ROBO1: variants seen among roughly 807,000 people sequenced by gnomAD.
ROBO1 encodes roundabout homolog 1.
ROBO1 carries 149 observed loss-of-function variants against 195.9 expected under a neutral mutation model. That is an observed-to-expected ratio of 0.76 (90% CI 0.67 to 0.87). The LOEUF is 0.87. Ranked by LOEUF, ROBO1 falls within the 40% of genes least tolerant of loss-of-function variation. The pLI is 0.00. For missense variants in ROBO1, 1,933 were observed against 2,068.3 expected (o/e 0.93, Z 1.27); for synonymous variants, 816 against 733.2 (o/e 1.11, Z -1.82).
chr3:78,926,428 G>A (rs939236397), intron 4 of ROBO1, among the ~76,000 whole-genome samples: 1 of 152,138 alleles, frequency 6.6e-6, no homozygotes, highest in African/African-American at 2.4e-5. Flanking sequence ...AGCTGTTCAG[G>A]AGAAAACATC....
chr3:79,498,453 T>C (rs1243301183), intron 2 of ROBO1, among the ~76,000 whole-genome samples: 2 of 152,224 alleles, frequency 1.3e-5, no homozygotes, highest in African/African-American at 4.8e-5. Flanking sequence ...AATACCTAAT[T>C]TAAGCATATA....
intron 2 of ROBO1, among the ~76,000 whole-genome samples, chr3:79,201,289 G>T (rs542391830): frequency 2.0e-4 from 31 of 151,942 alleles, no homozygotes; most frequent in African/African-American, 7.0e-4. Context: ...AGATAGTCCT[G>T]GTCTTATCAT....
At chr3:79,439,389 T>C (rs996667985) in intron 2 of ROBO1, among the ~76,000 whole-genome samples, 1 of 152,068 alleles carries the variant, frequency 6.6e-6, no homozygotes, top group Non-Finnish European at 1.5e-5. Context: ...AAATTTACAT[T>C]TCCCCAACCA....
At chr3:78,671,000 C>T (rs1247212549) in intron 10 of ROBO1, among the ~76,000 whole-genome samples, 1 of 152,124 alleles carries the variant, frequency 6.6e-6, no homozygotes, top group African/African-American at 2.4e-5. Flanking sequence ...TCTAACTTGG[C>T]AAACACCATA....
chr3:78,753,466 C>T (rs142121732), intron 4 of ROBO1, among the ~76,000 whole-genome samples: 1 of 152,192 alleles, frequency 6.6e-6, no homozygotes, highest in East Asian at 1.9e-4. Context: ...TAGTAGGTTT[C>T]AGTTAAAATT....
intron 2 of ROBO1, among the ~76,000 whole-genome samples, chr3:79,169,125 G>C (rs1283620995): frequency 6.6e-6 from 1 of 152,136 alleles, no homozygotes; most frequent in Non-Finnish European, 1.5e-5. Context: ...GATAACCAAA[G>C]AATAGCAAGG....
chr3:78,631,109 G>A (rs780903096), intron 25 of ROBO1, 52 bp downstream of exon 25: 14 of 1,553,054 alleles, frequency 9.0e-6, no homozygotes, highest in East Asian at 2.3e-5. Flanking sequence ...GCTGAAAATG[G>A]GCTGAAACAA....
chr3:79,566,329 T>A (rs561294423), intron 2 of ROBO1, among the ~76,000 whole-genome samples: 37 of 152,240 alleles, frequency 2.4e-4, no homozygotes, highest in Non-Finnish European at 7.4e-5. Context: ...GGAAGAACAT[T>A]GTAAACAGGT....
intron 2 of ROBO1, among the ~76,000 whole-genome samples, chr3:79,189,000 C>T (rs1032382963): frequency 1.3e-5 from 2 of 151,630 alleles, no homozygotes; most frequent in African/African-American, 2.4e-5. Context: ...CTTCTGTGAA[C>T]CTGAAAGTGC....
intron 2 of ROBO1, among the ~76,000 whole-genome samples, chr3:79,283,686 T>G (rs868843625): frequency 2.7e-4 from 41 of 151,532 alleles, no homozygotes; most frequent in African/African-American, 9.5e-4. Context: ...AGAGTCCACA[T>G]TTATCCATGA....
intron 2 of ROBO1, among the ~76,000 whole-genome samples, chr3:79,331,097 G>C (rs2034421680): frequency 6.6e-6 from 1 of 152,026 alleles, no homozygotes; most frequent in African/African-American, 2.4e-5. Flanking sequence ...TAATACAGTT[G>C]GCATCATTCA....
intron 1 of ROBO1, among the ~76,000 whole-genome samples, chr3:79,685,942 T>G (rs1196597300): frequency 6.6e-6 from 1 of 152,122 alleles, no homozygotes; most frequent in Non-Finnish European, 1.5e-5. Flanking sequence ...TAGACCAATA[T>G]CCTTGATGAA....
At chr3:79,489,577 C>T (rs1466245190) in intron 2 of ROBO1, among the ~76,000 whole-genome samples, 1 of 150,450 alleles carries the variant, frequency 6.6e-6, no homozygotes, top group Non-Finnish European at 1.5e-5. Flanking sequence ...ATCGCTTGAA[C>T]CAGGGAGGCA....
chr3:79,124,628 G>C (rs2080181017), intron 3 of ROBO1, among the ~76,000 whole-genome samples: 1 of 152,102 alleles, frequency 6.6e-6, no homozygotes, highest in Non-Finnish European at 1.5e-5. Context: ...AGTCTATGGA[G>C]AACTGTGTTA....
intron 4 of ROBO1, among the ~76,000 whole-genome samples, chr3:78,882,669 T>C (rs115678587): frequency 6.6e-6 from 1 of 152,168 alleles, no homozygotes. Context: ...TATCTCTCCA[T>C]CTTTCTCCTT....
chr3:79,100,784 A>C (rs1215579549), intron 3 of ROBO1, among the ~76,000 whole-genome samples: 2 of 151,762 alleles, frequency 1.3e-5, no homozygotes, highest in Non-Finnish European at 1.5e-5. Context: ...ATTTAAGCAG[A>C]AGGGCGGTTT....
chr3:79,247,129 G>GTTTTTTTTTTTTTTTTTTT (rs575917340), intron 2 of ROBO1, among the ~76,000 whole-genome samples: 2 of 134,802 alleles, frequency 1.5e-5, no homozygotes, highest in Non-Finnish European at 1.6e-5. Context: ...CCTGTTTACT[G>GTTTTTTTTTTTTTTTTTTT]TTTTTTTTTT....
At chr3:78,678,055 A>T (rs1423036786) in intron 10 of ROBO1, among the ~76,000 whole-genome samples, 6 of 152,326 alleles carry the variant, frequency 3.9e-5, no homozygotes, top group South Asian at 2.1e-4. Flanking sequence ...GAAACTGAAC[A>T]ACCTGCTCCT....
chr3:79,098,387 A>T (rs1321520687), intron 3 of ROBO1, among the ~76,000 whole-genome samples: 2 of 151,792 alleles, frequency 1.3e-5, no homozygotes, highest in Non-Finnish European at 2.9e-5. Flanking sequence ...TCTCATTGCC[A>T]TTGTCTTGCT....
Sources: allele counts gnomAD v4.1 joint callset (sites outside exome capture counted in the v4.1 genomes callset), GRCh38; gene constraint gnomAD v4.1.1; transcripts MANE v1.5; gene names NCBI Gene and HGNC (gene_info 2026-07-23, HGNC 2026-07-21).